The following AUH variants were observed in gnomAD, a reference collection of about 807,000 sequenced individuals.
AUH encodes AU RNA binding methylglutaconyl-CoA hydratase, also known as methylglutaconyl-CoA hydratase, mitochondrial.
AUH carries 29 observed loss-of-function variants against 42.3 expected under a neutral mutation model. That is an observed-to-expected ratio of 0.69 (90% CI 0.51 to 0.93). AUH has a LOEUF of 0.93. Among genes scored for constraint, AUH ranks in the 40% least tolerant of loss-of-function variants. The pLI is 0.00. For synonymous variants in AUH, 174 were observed against 166.4 expected (o/e 1.05, Z -0.35); for missense variants, 452 against 438.1 (o/e 1.03, Z -0.28).
At chr9:91,227,009 G>A (rs1039133901) in intron 6 of AUH, among the ~76,000 whole-genome samples, 3 of 151,560 alleles carry the variant, frequency 2.0e-5, no homozygotes, top group Non-Finnish European at 4.4e-5. Context: ...TTGTTCTTTT[G>A]GCTTAGGAAT....
At chr9:91,297,747 G>A (rs1181747864) in intron 5 of AUH, among the ~76,000 whole-genome samples, 3 of 151,812 alleles carry the variant, frequency 2.0e-5, no homozygotes, top group African/African-American at 7.3e-5. Context: ...TGCAAGCCAC[G>A]CGCCTGGTCC....
chr9:91,221,051 C>A, intron 6 of AUH, 59 bp from the exon 7 acceptor site: 2 of 1,548,276 alleles, frequency 1.3e-6, no homozygotes, highest in Non-Finnish European at 1.8e-6. Context: ...TTTAACACTT[C>A]AGTGTTTCAT....
intron 6 of AUH, among the ~76,000 whole-genome samples, chr9:91,224,213 G>A (rs527383826): frequency 6.6e-6 from 1 of 152,296 alleles, no homozygotes; most frequent in African/African-American, 2.4e-5. Flanking sequence ...GTCATGCTGA[G>A]CGCCTAAGTT....
chr9:91,260,425 G>C (rs1199395039), intron 6 of AUH, among the ~76,000 whole-genome samples: 1 of 151,832 alleles, frequency 6.6e-6, no homozygotes, highest in Admixed American at 6.6e-5. Context: ...GTCTTCTTTG[G>C]AATGAGTGTT....
At chr9:91,251,760 A>G (rs1228839465) in intron 6 of AUH, among the ~76,000 whole-genome samples, 1 of 152,224 alleles carries the variant, frequency 6.6e-6, no homozygotes. Flanking sequence ...CTGATCAAGC[A>G]AAGAATAATT....
intron 3 of AUH, among the ~76,000 whole-genome samples, chr9:91,341,342 G>A (rs1236116218): frequency 6.6e-6 from 1 of 152,194 alleles, no homozygotes; most frequent in African/African-American, 2.4e-5. Flanking sequence ...AGGCAGCTGT[G>A]CTCCTCCAAG....
chr9:91,271,912 C>G (rs1379457032), intron 6 of AUH, among the ~76,000 whole-genome samples: 2 of 152,194 alleles, frequency 1.3e-5, no homozygotes, highest in African/African-American at 4.8e-5. Context: ...GAACTCTTGA[C>G]CTCAGGTGAT....
chr9:91,350,589 T>C (rs1302135998), intron 3 of AUH, among the ~76,000 whole-genome samples: 3 of 152,176 alleles, frequency 2.0e-5, no homozygotes, highest in African/African-American at 7.2e-5. Flanking sequence ...TGAAACCCCG[T>C]CTCTACTCAA....
intron 5 of AUH, among the ~76,000 whole-genome samples, chr9:91,297,480 T>G (rs937721053): frequency 6.6e-6 from 1 of 152,224 alleles, no homozygotes; most frequent in Non-Finnish European, 1.5e-5. Flanking sequence ...CATCCACAGA[T>G]TAATTGCTTA....
intron 6 of AUH, among the ~76,000 whole-genome samples, chr9:91,254,727 G>A (rs1007572032): frequency 1.3e-5 from 2 of 152,166 alleles, no homozygotes; most frequent in East Asian, 1.9e-4. Flanking sequence ...TGACATCAAT[G>A]CAACAATATG....
rs540724831 is a variant in AUH, at chr9:91,286,879, C to A, written c.655+9142G>T. Among the ~76,000 whole-genome samples the A allele has an allele frequency of 2.0e-5, 3 of 152,132 alleles. No homozygotes were observed. In the East Asian group the frequency reaches 5.8e-4, roughly 29 times the overall value. On this transcript the variant is annotated intron_variant, in intron 6 of 9. Coordinates refer to ENST00000375731, the MANE Select transcript of AUH (RefSeq NM_001698.3). ...GATCTACTGTATGTCATGGTGACCA[C>A]AGGTAATGATAACATATTATATACC...
At chr9:91,232,029 G>T (rs1403840354) in intron 6 of AUH, among the ~76,000 whole-genome samples, 1 of 152,182 alleles carries the variant, frequency 6.6e-6, no homozygotes, top group Non-Finnish European at 1.5e-5. Flanking sequence ...AAGATAAGTT[G>T]GTGAAGTCGT....
intron 6 of AUH, among the ~76,000 whole-genome samples, chr9:91,272,697 C>T (rs1201836141): frequency 6.6e-6 from 1 of 152,130 alleles, no homozygotes; most frequent in Non-Finnish European, 1.5e-5. Context: ...TCTGCCTCCT[C>T]GAATGTAAGC....
chr9:91,327,527 C>T (rs1216598585), intron 3 of AUH, among the ~76,000 whole-genome samples: 1 of 152,172 alleles, frequency 6.6e-6, no homozygotes, highest in East Asian at 1.9e-4. Flanking sequence ...CACTTTGGGT[C>T]CCCTCTCACA....
chr9:91,301,636 G>C (rs535428865), intron 4 of AUH, among the ~76,000 whole-genome samples: 1 of 152,132 alleles, frequency 6.6e-6, no homozygotes, highest in African/African-American at 2.4e-5. Context: ...GTTTCCTTTT[G>C]TGCAGGCCCA....
intron 9 of AUH, among the ~76,000 whole-genome samples, chr9:91,215,025 C>T (rs1006257993): frequency 6.6e-6 from 1 of 152,186 alleles, no homozygotes; most frequent in Admixed American, 6.5e-5. Context: ...TCACTTTCCT[C>T]ATGGCACGTA....
At chr9:91,291,175 CCT>C (rs1192358370) in intron 6 of AUH, among the ~76,000 whole-genome samples, 1 of 152,196 alleles carries the variant, frequency 6.6e-6, no homozygotes, top group Non-Finnish European at 1.5e-5. Context: ...TCTGTGCCTT[CCT>C]CTTTCTTATA....
In AUH at chr9:91,268,864, T is replaced by C. The variant is rs559674634; in HGVS notation, c.655+27157A>G. Among the ~76,000 whole-genome samples, 10 of 152,350 alleles carry C rather than the reference T, an allele frequency of 6.6e-5. No homozygotes were observed. In the South Asian group the frequency reaches 1.9e-3, roughly 28 times the overall value. ...ATGCTTCTAAATATATTCAAGGATA[T>C]GCATAATACAATATCTAAGCATGTA... On this transcript the variant is annotated intron_variant, in intron 6 of 9. Transcript: ENST00000375731.
At position 91,327,806 on chromosome 9, in the gene AUH, C is replaced by T. The variant is rs189400517; in HGVS notation, c.419-2402G>A. 3.0e-3 allele frequency among the ~76,000 whole-genome samples: 464 copies of T among 152,276 alleles called. 3 individuals carry two copies. Among genetic ancestry groups the T allele is most frequent in the African/African-American group, 0.011 (438 of 41,556 alleles). On this transcript the variant is annotated intron_variant, in intron 3 of 9. Coordinates refer to ENST00000375731, the MANE Select transcript of AUH (RefSeq NM_001698.3). ...TGGGGTCCCAGACCTCAGGACTCCC[C>T]GAGCAAGAGTTGTAACACTGCTTGG...
Sources: allele counts gnomAD v4.1 joint callset (sites outside exome capture counted in the v4.1 genomes callset), GRCh38; gene constraint gnomAD v4.1.1; transcripts MANE v1.5; gene names NCBI Gene and HGNC (gene_info 2026-07-23, HGNC 2026-07-21).